The following TSHZ3 variants were observed in gnomAD, a reference collection of about 807,000 sequenced individuals.
The protein encoded by TSHZ3 is teashirt zinc finger homeobox 3.
A neutral mutation model predicts 64.5 loss-of-function variants in TSHZ3; 10 were observed. The observed-to-expected ratio is 0.16, with a 90% CI of 0.10 to 0.26. The LOEUF is 0.26. Among genes scored for constraint, TSHZ3 ranks in the 10% least tolerant of loss-of-function variants. The probability of loss-of-function intolerance (pLI) is 1.00; values close to 1 mark genes in which losing one functional copy is unlikely to be tolerated. For missense variants in TSHZ3, 1,242 were observed against 1,421.7 expected, an observed-to-expected ratio of 0.87 and a Z score of 2.03; for synonymous variants, 608 against 593.1, an observed-to-expected ratio of 1.03 and a Z score of -0.36.
chr19:31,334,893 A>T (rs1255035728), intron 1 of TSHZ3, among the ~76,000 whole-genome samples: 1 of 152,140 alleles, frequency 6.6e-6, no homozygotes, highest in Non-Finnish European at 1.5e-5. Context: ...ACAGAAGCCA[A>T]ATCTCCTCTA....
chr19:31,194,588 C>T (rs1259901156), intron 5 of TSHZ3, among the ~76,000 whole-genome samples: 1 of 152,138 alleles, frequency 6.6e-6, no homozygotes, highest in South Asian at 2.1e-4. Flanking sequence ...CTAGAGAATG[C>T]ACCCCTTCTC....
intron 1 of TSHZ3, among the ~76,000 whole-genome samples, chr19:31,338,669 T>C (rs1272454484): frequency 1.3e-5 from 2 of 151,580 alleles, no homozygotes; most frequent in Admixed American, 1.3e-4. Flanking sequence ...GTTTATATTT[T>C]AATGTTTTGT....
chr19:31,268,266 T>G (rs776387159), intron 1 of TSHZ3, among the ~76,000 whole-genome samples: 1 of 152,138 alleles, frequency 6.6e-6, no homozygotes, highest in Non-Finnish European at 1.5e-5. Context: ...GGGTATGTCT[T>G]TATTAGCAGT....
chr19:31,213,401 T>A (rs986194896), intron 4 of TSHZ3, among the ~76,000 whole-genome samples: 5 of 115,976 alleles, frequency 4.3e-5, no homozygotes, highest in African/African-American at 1.7e-4. Flanking sequence ...ATCAGTGGTG[T>A]CCAGGGGTAA....
intron 1 of TSHZ3, among the ~76,000 whole-genome samples, chr19:31,329,356 A>C (rs953085079): frequency 1.8e-4 from 27 of 152,222 alleles, no homozygotes; most frequent in African/African-American, 6.3e-4. Context: ...GCAGGGCTAA[A>C]GTTTACATTT....
intron 1 of TSHZ3, among the ~76,000 whole-genome samples, chr19:31,299,380 A>T (rs1443350244): frequency 6.6e-6 from 1 of 152,126 alleles, no homozygotes. Flanking sequence ...GGGAGACACA[A>T]ACTATGCAAG....
Position 31,279,282 on chromosome 19 carries a change from C to A in TSHZ3, c.511G>T (p.Ala171Ser). The A allele has an allele frequency of 2.5e-6, 4 of 1,613,988 alleles. No homozygotes were observed. The highest frequency in any genetic ancestry group is 3.4e-6 in the Non-Finnish European group (4 of 1,179,950). ...ACCTGCTGCAGCGTCTTAGCCATGG[C>A]GCTCTGGTGCCAGTCGAAGCTCCCG... ...GSGSFDWHQS[A>S]MAKTLQQVSQ... The change falls in exon 2 of 2, where the codon GCC (alanine) becomes TCC (serine). Residue 171 changes from alanine to serine, a missense_variant. By Grantham distance (99) the Ala-to-Ser change is moderately conservative (BLOSUM62 1). Around this residue, in one of 4 missense-constraint regions of TSHZ3, gnomAD observed 555 missense variants for 704.0 expected, o/e 0.79. Coordinates refer to ENST00000240587, the MANE Select transcript of TSHZ3 (RefSeq NM_020856.4). This position sits in a 1 kb window ranked among gnomAD's most constrained non-coding sequence, Gnocchi z 6.4.
At chr19:31,244,281 A>T (rs1485200034) in intron 1 of TSHZ3, among the ~76,000 whole-genome samples, 1 of 151,910 alleles carries the variant, frequency 6.6e-6, no homozygotes, top group Admixed American at 6.6e-5. Flanking sequence ...CCGGTTGTTT[A>T]AAAGTGTGTG....
intron 1 of TSHZ3, among the ~76,000 whole-genome samples, chr19:31,286,681 C>T (rs1358600430): frequency 6.6e-6 from 1 of 152,242 alleles, no homozygotes; most frequent in Non-Finnish European, 1.5e-5. Context: ...CAGGGGACCA[C>T]ACAGGAAGTG....
At chr19:31,320,519 C>A (rs1214858331) in intron 1 of TSHZ3, among the ~76,000 whole-genome samples, 1 of 152,032 alleles carries the variant, frequency 6.6e-6, no homozygotes, top group African/African-American at 2.4e-5. Context: ...GGCCCACCTG[C>A]GAGGGATGAT....
exon 7 of TSHZ3, among the ~76,000 whole-genome samples, chr19:31,150,514 G>A (rs545317508): frequency 6.1e-4 from 93 of 152,306 alleles, no homozygotes; most frequent in African/African-American, 1.9e-3. Flanking sequence ...TTTTCATTTG[G>A]CCTTTGGGGA....
chr19:31,347,994 A>G (rs1015518962), intron 1 of TSHZ3, among the ~76,000 whole-genome samples: 1 of 152,198 alleles, frequency 6.6e-6, no homozygotes, highest in African/African-American at 2.4e-5. Context: ...TTCCCTCTTA[A>G]CATCAAAAGA....
At chr19:31,167,525 T>A (rs574281893) in intron 5 of TSHZ3, 2 of 152,076 alleles carry the variant, frequency 1.3e-5, no homozygotes, top group Non-Finnish European at 2.9e-5. Flanking sequence ...TCCGAGATTG[T>A]GTGCTGAGGG....
At chr19:31,243,257 T>C (rs1455960598) in intron 1 of TSHZ3, among the ~76,000 whole-genome samples, 3 of 152,326 alleles carry the variant, frequency 2.0e-5, no homozygotes, top group African/African-American at 4.8e-5. Flanking sequence ...TCCACTGCAC[T>C]TAGAAGAACT....
chr19:31,294,152 C>T (rs1314602350), intron 1 of TSHZ3, among the ~76,000 whole-genome samples: 2 of 152,142 alleles, frequency 1.3e-5, no homozygotes, highest in Non-Finnish European at 2.9e-5. Flanking sequence ...ACCCTTTCTG[C>T]ACTGAGCACC....
intron 1 of TSHZ3, among the ~76,000 whole-genome samples, chr19:31,340,154 C>T (rs919124087): frequency 1.3e-5 from 2 of 151,704 alleles, no homozygotes; most frequent in African/African-American, 4.8e-5. Context: ...CTCATTATGG[C>T]GAGAGGATTT....
chr19:31,160,707 CACACGTATAT>C (rs1599553301), intron 5 of TSHZ3, among the ~76,000 whole-genome samples: 1 of 152,064 alleles, frequency 6.6e-6, no homozygotes, highest in East Asian at 1.9e-4. Flanking sequence ...CACACATATA[CACACGTATAT>C]ACACATACAC....
intron 5 of TSHZ3, among the ~76,000 whole-genome samples, chr19:31,175,663 G>C (rs529810593): frequency 6.6e-6 from 1 of 152,330 alleles, no homozygotes; most frequent in African/African-American, 2.4e-5. Flanking sequence ...GGAGGCTCTG[G>C]CTCAGGCCCT....
chr19:31,333,410 G>T (rs958654543), intron 1 of TSHZ3, among the ~76,000 whole-genome samples: 1 of 152,048 alleles, frequency 6.6e-6, no homozygotes, highest in Non-Finnish European at 1.5e-5. Context: ...CCTGTAACAA[G>T]TCAATTTACA....
Sources: allele counts gnomAD v4.1 joint callset (sites outside exome capture counted in the v4.1 genomes callset), GRCh38; gene constraint gnomAD v4.1.1; regional missense constraint gnomAD v4.1.1; non-coding constraint Gnocchi (gnomAD v3.1); transcripts MANE v1.5; gene names NCBI Gene and HGNC (gene_info 2026-07-23, HGNC 2026-07-21).